The following RABGEF1 variants were observed in gnomAD, a reference collection of about 807,000 sequenced individuals.
The protein encoded by RABGEF1 is rab5 GDP/GTP exchange factor.
Under a neutral mutation model 57.3 loss-of-function variants are expected in RABGEF1, and 26 were observed. That is an observed-to-expected ratio of 0.45 (90% CI 0.33 to 0.63). The LOEUF (loss-of-function observed/expected upper bound fraction) is 0.63, where lower values mean the gene tolerates loss of function less well. Among genes scored for constraint, RABGEF1 ranks in the 20% least tolerant of loss-of-function variants. RABGEF1 has a pLI of 0.02. For missense variants in RABGEF1, 464 were observed against 607.6 expected, an observed-to-expected ratio of 0.76 and a Z score of 2.48; for synonymous variants, 185 against 210.7, an observed-to-expected ratio of 0.88 and a Z score of 1.06.
At chr7:66,800,949 C>A (rs768173379) in intron 7 of RABGEF1, among the ~76,000 whole-genome samples, 1 of 152,276 alleles carries the variant, frequency 6.6e-6, no homozygotes, top group South Asian at 2.1e-4. Context: ...GAGAGGCTGC[C>A]CGTTAAGTTA....
rs540424952 is a variant in RABGEF1, at chr7:66,684,442, C to CAAACAAAACA, written c.-873+2203_-873+2212dup. 1.3e-3 allele frequency among the ~76,000 whole-genome samples: 193 copies of CAAACAAAACA among 152,124 alleles called. 4 individuals are homozygous for CAAACAAAACA. Among genetic ancestry groups the CAAACAAAACA allele is most frequent in the Admixed American group, 0.011 (161 of 15,244 alleles). On this transcript the variant is annotated intron_variant and NMD_transcript_variant, in intron 1 of 9. Coordinates refer to the RABGEF1 transcript ENST00000607882. ...TGGGCAACAGTGCAAGACTTCGTCT[C>CAAACAAAACA]AAACAAAACAAAACAAAACAAAACA...
Position 66,765,008 on chromosome 7 carries a change from C to A in RABGEF1, c.-17-6875C>A, listed in dbSNP as rs575149412. Among the ~76,000 whole-genome samples the A allele has an allele frequency of 1.3e-3, 197 of 152,102 alleles. 1 individual carries two copies. The highest frequency in any genetic ancestry group is 4.6e-3 in the African/African-American group (189 of 41,500). On this transcript the variant is annotated intron_variant, in intron 1 of 8. Transcript: ENST00000284957. ...GGCCCATCTAGATATCTAGCATAGT[C>A]TCCTTATTTTAATGATTAGTCAACT...
chr7:66,768,947 C>T (rs1478210324), intron 1 of RABGEF1: 1 of 152,118 alleles, frequency 6.6e-6, no homozygotes, highest in East Asian at 1.9e-4. Context: ...GAGTTTGGCT[C>T]CTGCACTCTC....
At chr7:66,767,096 C>T (rs186082619) in intron 1 of RABGEF1, among the ~76,000 whole-genome samples, 11 of 150,984 alleles carry the variant, frequency 7.3e-5, no homozygotes, top group African/African-American at 2.4e-4. Flanking sequence ...TCCATCTCCC[C>T]GGTTCATGCG....
chr7:66,755,754 A>G (rs953565415), intron 1 of RABGEF1: 5 of 248,058 alleles, frequency 2.0e-5, no homozygotes, highest in African/African-American at 1.1e-4. Flanking sequence ...TGCTTAACCA[A>G]GGAGAGCGTG....
chr7:66,752,130 T>C (rs1046203440), intron 1 of RABGEF1, among the ~76,000 whole-genome samples: 2 of 152,062 alleles, frequency 1.3e-5, no homozygotes, highest in Non-Finnish European at 2.9e-5. Flanking sequence ...GCCAGACGTT[T>C]GAGGCTACAG....
In RABGEF1 at chr7:66,771,781, A is replaced by C. The variant is rs3823608; in HGVS notation, c.-17-102A>C. On this transcript the variant is annotated intron_variant, in intron 1 of 8. Transcript: ENST00000284957. Reference sequence around the variant, plus strand: ...TCATTCCCTCCATCCCTCTCTTAACAGCTTGAAGATAATGGAATCACTCAC... The same window carrying C: ...TCATTCCCTCCATCCCTCTCTTAACCGCTTGAAGATAATGGAATCACTCAC... 0.046 allele frequency: 36,674 copies of C among 796,154 alleles called. 1,089 individuals are homozygous for C. Among genetic ancestry groups the C allele is most frequent in the East Asian group, 0.11 (3,446 of 31,066 alleles). The allele number at this position is 796,154 out of a possible 1,614,324, so 49.3% of individuals were successfully genotyped here. A position where few individuals can be genotyped will look rare whatever the true frequency, so the allele number is the denominator to read the frequency against.
At chr7:66,698,107 C>CG (rs1562707763) in intron 1 of RABGEF1, among the ~76,000 whole-genome samples, 3 of 152,034 alleles carry the variant, frequency 2.0e-5, no homozygotes, top group African/African-American at 7.2e-5. Context: ...ACGCACCCCC[C>CG]CCACCCTCAG....
At chr7:66,669,285 C>T in the RABGEF1 span, 2 of 152,448 alleles carry the variant, frequency 1.3e-5, no homozygotes, top group African/African-American at 4.8e-5. Context: ...CCATTGTCCC[C>T]CTTCCCCGGC....
chr7:66,778,398 T>C (rs1438872303), intron 3 of RABGEF1, among the ~76,000 whole-genome samples: 1 of 152,208 alleles, frequency 6.6e-6, no homozygotes, highest in African/African-American at 2.4e-5. Flanking sequence ...AAAGACTCAG[T>C]TAAAGTGTTT....
At chr7:66,771,590 G>C (rs1807151710) in intron 1 of RABGEF1, among the ~76,000 whole-genome samples, 2 of 152,066 alleles carry the variant, frequency 1.3e-5, no homozygotes, top group African/African-American at 4.8e-5. Flanking sequence ...CTAGTTTGCA[G>C]CCTTTACATT....
upstream of RABGEF1, among the ~76,000 whole-genome samples, chr7:66,681,745 G>A (rs986384249): frequency 2.0e-5 from 3 of 152,196 alleles, no homozygotes; most frequent in Non-Finnish European, 2.9e-5. Context: ...GATCCGCGAA[G>A]GACTGAAACA....
chr7:66,801,899 T>TTTAG (rs773330945), intron 7 of RABGEF1, among the ~76,000 whole-genome samples: 32 of 151,914 alleles, frequency 2.1e-4, no homozygotes, highest in South Asian at 4.1e-4. Context: ...GACTTATTTA[T>TTTAG]TTAGTTAGTT....
chr7:66,670,433 A>ATTTTTTTTT, the RABGEF1 span, among the ~76,000 whole-genome samples: 3 of 116,066 alleles, frequency 2.6e-5, no homozygotes, highest in Admixed American at 2.0e-4. Flanking sequence ...GAATGAGATG[A>ATTTTTTTTT]TTTTTTTTTT....
chr7:66,663,757 A>AT, the RABGEF1 span, among the ~76,000 whole-genome samples: 1 of 151,664 alleles, frequency 6.6e-6, no homozygotes, highest in Admixed American at 6.6e-5. Context: ...ATAAATAAAA[A>AT]TAAAAAAATA....
intron 1 of RABGEF1, among the ~76,000 whole-genome samples, chr7:66,744,138 C>T (rs1463827118): frequency 1.3e-5 from 2 of 151,030 alleles, no homozygotes; most frequent in Non-Finnish European, 2.9e-5. Context: ...TGGATTCAAG[C>T]GATTTGTGTG....
intron 7 of RABGEF1, among the ~76,000 whole-genome samples, chr7:66,804,008 T>C: frequency 6.6e-6 from 1 of 152,110 alleles, no homozygotes; most frequent in East Asian, 1.9e-4. Flanking sequence ...AATGTTGTGA[T>C]TTCTGTAGCT....
intron 7 of RABGEF1, among the ~76,000 whole-genome samples, chr7:66,800,039 A>T (rs577255332): frequency 4.6e-5 from 7 of 152,240 alleles, no homozygotes; most frequent in Non-Finnish European, 8.8e-5. Context: ...ACAAAAAAAA[A>T]TCTTAATGGA....
chr7:66,721,857 C>G (rs1054227035), intron 2 of RABGEF1, among the ~76,000 whole-genome samples: 1 of 152,070 alleles, frequency 6.6e-6, no homozygotes, highest in Non-Finnish European at 1.5e-5. Flanking sequence ...TGCTTTGAAA[C>G]AGAAAGTTTT....
Sources: allele counts gnomAD v4.1 joint callset (sites outside exome capture counted in the v4.1 genomes callset), GRCh38; gene constraint gnomAD v4.1.1; transcripts MANE v1.5; gene names NCBI Gene and HGNC (gene_info 2026-07-23, HGNC 2026-07-21).